CPNE8: variants seen among roughly 807,000 people sequenced by gnomAD.
The protein encoded by CPNE8 is copine-8.
Under a neutral mutation model 81.5 loss-of-function variants are expected in CPNE8, and 45 were observed. That is an observed-to-expected ratio of 0.55 (90% confidence interval 0.44 to 0.71). The LOEUF is 0.71. Among genes scored for constraint, CPNE8 ranks in the 30% least tolerant of loss-of-function variants. The pLI, the probability that CPNE8 is intolerant of heterozygous loss-of-function variation, is 0.00. For missense variants in CPNE8, 594 were observed against 672.1 expected (o/e 0.88, Z 1.28); for synonymous variants, 252 against 226.3 (o/e 1.11, Z -1.02).
At position 38,886,649 on chromosome 12, in the gene CPNE8, C is replaced by T. The variant is rs562556360; in HGVS notation, c.99-12138G>A. ...GAAGAAAGAAGAGATGTAATGTGAG[C>T]CTAAGGCTGCTCCTCCAAGTTCCTT... On this transcript the variant is annotated intron_variant, in intron 1 of 19. Transcript: ENST00000331366. Among the ~76,000 whole-genome samples the T allele has an allele frequency of 2.0e-5, 3 of 152,286 alleles. No homozygotes were observed. The South Asian group carries it at 6.2e-4, about 32-fold the overall frequency.
intron 1 of CPNE8, among the ~76,000 whole-genome samples, chr12:38,878,227 A>G (rs577395449): frequency 1.3e-5 from 2 of 152,314 alleles, no homozygotes; most frequent in South Asian, 4.1e-4. Context: ...TTTCTTTCTT[A>G]ATAAACTTGC....
intron 16 of CPNE8, among the ~76,000 whole-genome samples, chr12:38,681,090 A>T (rs979051565): frequency 2.0e-5 from 3 of 152,020 alleles, no homozygotes; most frequent in Non-Finnish European, 2.9e-5. Context: ...GTCTGAAAAG[A>T]TACTTGAAAT....
At chr12:38,896,282 A>ATG (rs1431114523) in intron 1 of CPNE8, among the ~76,000 whole-genome samples, 6 of 152,108 alleles carry the variant, frequency 3.9e-5, no homozygotes, top group African/African-American at 1.2e-4. Flanking sequence ...TCACAGAATA[A>ATG]ACCTGACAAA....
intron 6 of CPNE8, among the ~76,000 whole-genome samples, chr12:38,812,998 A>G (rs1027220533): frequency 3.3e-5 from 5 of 152,222 alleles, no homozygotes; most frequent in Non-Finnish European, 5.9e-5. Context: ...GGGAGCAGAT[A>G]CATTGTTGTG....
chr12:38,772,185 G>T (rs1941816822), intron 7 of CPNE8, among the ~76,000 whole-genome samples: 1 of 152,188 alleles, frequency 6.6e-6, no homozygotes, highest in Non-Finnish European at 1.5e-5. Flanking sequence ...GCCACAATGT[G>T]AAACAGTATG....
intron 5 of CPNE8, among the ~76,000 whole-genome samples, chr12:38,833,351 C>CAAAAAA (rs774534221): frequency 7.3e-4 from 45 of 61,466 alleles, no homozygotes; most frequent in East Asian, 2.6e-3. Context: ...GACCTTATCT[C>CAAAAAA]AAAAAAAAAA....
At chr12:38,846,767 C>T (rs994449374) in intron 4 of CPNE8, among the ~76,000 whole-genome samples, 1 of 151,928 alleles carries the variant, frequency 6.6e-6, no homozygotes. Context: ...GTCATTTGTC[C>T]TCTGAAAACG....
chr12:38,666,995 G>A (rs1023115559), intron 19 of CPNE8, among the ~76,000 whole-genome samples: 1 of 152,038 alleles, frequency 6.6e-6, no homozygotes, highest in African/African-American at 2.4e-5. Context: ...TTAATAAAGG[G>A]TTAAATATCG....
chr12:38,859,117 G>T (rs1430511574), intron 3 of CPNE8, among the ~76,000 whole-genome samples: 2 of 150,968 alleles, frequency 1.3e-5, no homozygotes, highest in Non-Finnish European at 3.0e-5. Context: ...ACATGAAAAA[G>T]AAATAAAAGG....
In CPNE8 at chr12:38,873,073, C is replaced by T. The variant is rs765924010; in HGVS notation, c.140-23G>A. On this transcript the variant is annotated intron_variant, in intron 2 of 19. Transcript: ENST00000331366. ...AAACTACAAAAGATGAAAAAATACG[C>T]ACATATAAATGTCTTTTATGAAAAT... is the stretch of plus-strand genomic sequence containing the variant. 2.8e-6 allele frequency: 4 copies of T among 1,425,088 alleles called. No homozygotes were observed. In the Admixed American group the frequency reaches 5.4e-5, roughly 19 times the overall value. The allele number at this position is 1,425,088 out of a possible 1,614,324, so 88.3% of individuals were successfully genotyped here.
chr12:38,785,740 CA>C (rs1406243788), intron 6 of CPNE8, among the ~76,000 whole-genome samples: 1 of 151,986 alleles, frequency 6.6e-6, no homozygotes, highest in Non-Finnish European at 1.5e-5. Context: ...ATAGACACAA[CA>C]AAAAGTTAAA....
chr12:38,705,764 T>G (rs1383930708), intron 13 of CPNE8, among the ~76,000 whole-genome samples: 1 of 152,026 alleles, frequency 6.6e-6, no homozygotes, highest in Non-Finnish European at 1.5e-5. Flanking sequence ...ATGAACTGGG[T>G]TTGAGTCCCA....
intron 10 of CPNE8, among the ~76,000 whole-genome samples, chr12:38,758,946 A>G (rs1941520738): frequency 6.6e-6 from 1 of 152,146 alleles, no homozygotes; most frequent in Non-Finnish European, 1.5e-5. Context: ...ACGTCTATGG[A>G]TGTGGATGAA....
chr12:38,798,751 G>A (rs1942571831), intron 6 of CPNE8, among the ~76,000 whole-genome samples: 1 of 152,056 alleles, frequency 6.6e-6, no homozygotes, highest in Admixed American at 6.6e-5. Context: ...GACACAGACT[G>A]GCAAATTGGA....
chr12:38,766,099 C>A (rs1403359468), intron 8 of CPNE8, among the ~76,000 whole-genome samples: 1 of 152,096 alleles, frequency 6.6e-6, no homozygotes, highest in Non-Finnish European at 1.5e-5. Context: ...ACCTCGTGAT[C>A]CGCCTGCCTC....
intron 10 of CPNE8, among the ~76,000 whole-genome samples, chr12:38,731,348 A>G (rs543129536): frequency 3.3e-5 from 5 of 152,064 alleles, no homozygotes; most frequent in African/African-American, 1.2e-4. Flanking sequence ...AAATCCATGA[A>G]ACTTTTATGG....
intron 6 of CPNE8, among the ~76,000 whole-genome samples, chr12:38,786,267 T>C (rs186719797): frequency 7.2e-4 from 109 of 152,322 alleles, no homozygotes; most frequent in South Asian, 1.2e-3. Context: ...GATTGAAGGA[T>C]ACAAAGTATT....
chr12:38,775,467 A>G (rs1379763888), intron 7 of CPNE8, among the ~76,000 whole-genome samples: 1 of 152,236 alleles, frequency 6.6e-6, no homozygotes, highest in African/African-American at 2.4e-5. Flanking sequence ...AAAAGTAAAG[A>G]GCACTAGAGG....
intron 1 of CPNE8, among the ~76,000 whole-genome samples, chr12:38,881,714 T>G (rs1944161264): frequency 6.6e-6 from 1 of 152,134 alleles, no homozygotes; most frequent in Non-Finnish European, 1.5e-5. Flanking sequence ...GGAAACTACT[T>G]AAAAAGAAAC....
Sources: allele counts gnomAD v4.1 joint callset (sites outside exome capture counted in the v4.1 genomes callset), GRCh38; gene constraint gnomAD v4.1.1; transcripts MANE v1.5; gene names NCBI Gene and HGNC (gene_info 2026-07-23, HGNC 2026-07-21).